Variants in ADAMTSL1 observed in about 807,000 individuals in gnomAD.
The protein encoded by ADAMTSL1 is ADAMTS like 1, also known as ADAMTS-like protein 1.
ADAMTSL1 carries 126 observed loss-of-function variants against 201.8 expected under a neutral mutation model. The ratio of observed to expected loss-of-function variants is 0.62; its 90% CI spans 0.54 to 0.72. The LOEUF is 0.72. Ranked by LOEUF, ADAMTSL1 falls within the 30% of genes least tolerant of loss-of-function variation. The pLI, the probability that ADAMTSL1 is intolerant of heterozygous loss-of-function variation, is 0.00. For synonymous variants in ADAMTSL1, 1,121 were observed against 903.4 expected (o/e 1.24, Z -4.32); for missense variants, 2,679 against 2,277.8 (o/e 1.18, Z -3.59).
intron 1 of ADAMTSL1, among the ~76,000 whole-genome samples, chr9:17,954,093 G>A (rs969728071): frequency 1.3e-5 from 2 of 152,188 alleles, no homozygotes; most frequent in South Asian, 4.1e-4. Flanking sequence ...CTTTGCCTCT[G>A]TTTTTCTCTC....
At chr9:18,815,726 AAAAAAAAAAGAG>A (rs1449699094) in intron 20 of ADAMTSL1, among the ~76,000 whole-genome samples, 8 of 144,534 alleles carry the variant, frequency 5.5e-5, no homozygotes, top group African/African-American at 1.8e-4. Context: ...AAAAAAAAAA[AAAAAAAAAAGAG>A]AAAAAAAAAA....
At chr9:18,622,951 A>G (rs563964178) in intron 5 of ADAMTSL1, among the ~76,000 whole-genome samples, 1 of 152,294 alleles carries the variant, frequency 6.6e-6, no homozygotes, top group East Asian at 1.9e-4. Context: ...GCTAGAGTGC[A>G]ATGGGGCAAT....
intron 5 of ADAMTSL1, among the ~76,000 whole-genome samples, chr9:18,624,581 G>A (rs1826240678): frequency 6.6e-6 from 1 of 152,162 alleles, no homozygotes; most frequent in Admixed American, 6.5e-5. Context: ...CTGGGAGCAT[G>A]TTTTTAATGG....
At chr9:18,274,583 C>G (rs1832513237) in intron 2 of ADAMTSL1, among the ~76,000 whole-genome samples, 1 of 152,030 alleles carries the variant, frequency 6.6e-6, no homozygotes. Context: ...ATTCATTATG[C>G]TCATTTAGAG....
chr9:18,082,986 C>G (rs995180037), intron 1 of ADAMTSL1, among the ~76,000 whole-genome samples: 4 of 152,144 alleles, frequency 2.6e-5, no homozygotes, highest in African/African-American at 9.7e-5. Context: ...AAGCTGGACT[C>G]TGATACAATC....
At position 18,581,932 on chromosome 9, in the gene ADAMTSL1, T is replaced by C. The variant is rs182438584; in HGVS notation, c.474+7666T>C. Among the ~76,000 whole-genome samples the C allele has an allele frequency of 1.3e-5, 2 of 152,350 alleles. 1 individual carries two copies. Among genetic ancestry groups the C allele is most frequent in the Non-Finnish European group, 2.9e-5 (2 of 68,036 alleles). On this transcript the variant is annotated intron_variant, in intron 4 of 28. Transcript: ENST00000380548. ...TGTGCCTCAGACCTAAGAGTCATTC[T>C]TCTTTCACTTTGTCCCATCTCTGAG...
At chr9:18,658,448 GCTTA>G (rs1370150428) in intron 8 of ADAMTSL1, among the ~76,000 whole-genome samples, 2 of 152,106 alleles carry the variant, frequency 1.3e-5, no homozygotes, top group Non-Finnish European at 2.9e-5. Flanking sequence ...TGTTTATCAG[GCTTA>G]CTTAATTAGA....
At chr9:18,498,177 A>G (rs1000781500) in intron 1 of ADAMTSL1, among the ~76,000 whole-genome samples, 8 of 152,104 alleles carry the variant, frequency 5.3e-5, no homozygotes, top group African/African-American at 1.9e-4. Context: ...ACTAGATATT[A>G]ACTATGTGAC....
chr9:18,652,452 A>T (rs1382777062), intron 7 of ADAMTSL1, among the ~76,000 whole-genome samples: 1 of 152,060 alleles, frequency 6.6e-6, no homozygotes, highest in Non-Finnish European at 1.5e-5. Flanking sequence ...AAATACAATT[A>T]GTCCTCTACT....
intron 1 of ADAMTSL1, 95 bp from the exon 2 acceptor site, chr9:18,504,734 C>A (rs1823027270): frequency 6.4e-7 from 1 of 1,554,778 alleles, no homozygotes; most frequent in Non-Finnish European, 8.8e-7. Flanking sequence ...GCAAAGCCAC[C>A]ATGTACACAC....
Position 17,911,248 on chromosome 9 carries a change from C to G in ADAMTSL1, c.87+4326C>G, listed in dbSNP as rs1825896333. ...ACTCATTCCTTAGATTCTTATGAAA[C>G]TGATTATTTTCCTCATTAATTTCAT... On this transcript the variant is annotated intron_variant, in intron 1 of 29. Transcript: ENST00000680146. Among the ~76,000 whole-genome samples, 2 of 68,800 alleles carry G rather than the reference C, an allele frequency of 2.9e-5. 1 individual carries two copies. The highest frequency in any genetic ancestry group is 8.9e-5 in the Non-Finnish European group (2 of 22,454). 45.1% of individuals were successfully genotyped at this position (68,800 alleles called of 152,430 possible).
chr9:18,155,495 C>T (rs1189199328), intron 1 of ADAMTSL1, among the ~76,000 whole-genome samples: 4 of 151,964 alleles, frequency 2.6e-5, no homozygotes, highest in Admixed American at 2.0e-4. Flanking sequence ...TCATGTGGTC[C>T]CGGACAGCTT....
At chr9:18,762,825 C>G (rs1183140908) in intron 16 of ADAMTSL1, among the ~76,000 whole-genome samples, 2 of 152,216 alleles carry the variant, frequency 1.3e-5, no homozygotes, top group African/African-American at 4.8e-5. Context: ...TTGCACATGA[C>G]TGGATCTCAT....
At chr9:18,461,064 C>T (rs1421778642) in intron 2 of ADAMTSL1, among the ~76,000 whole-genome samples, 1 of 152,022 alleles carries the variant, frequency 6.6e-6, no homozygotes, top group Non-Finnish European at 1.5e-5. Flanking sequence ...TAAAGAAAAT[C>T]CTGATTATTT....
At chr9:18,030,713 T>G (rs960218268) in intron 1 of ADAMTSL1, among the ~76,000 whole-genome samples, 2 of 152,176 alleles carry the variant, frequency 1.3e-5, no homozygotes, top group Admixed American at 6.5e-5. Flanking sequence ...ACCTCTCTAG[T>G]AAAATTGGAG....
intron 3 of ADAMTSL1, among the ~76,000 whole-genome samples, chr9:18,571,907 T>C (rs1822328684): frequency 6.6e-6 from 1 of 152,196 alleles, no homozygotes; most frequent in South Asian, 2.1e-4. Context: ...TTAAAGTTGT[T>C]TGTGGCCAGT....
At chr9:18,140,712 C>A (rs1211979213) in intron 1 of ADAMTSL1, among the ~76,000 whole-genome samples, 1 of 152,156 alleles carries the variant, frequency 6.6e-6, no homozygotes, top group Non-Finnish European at 1.5e-5. Context: ...TGCCTGAAAT[C>A]CAACTTTCCA....
intron 11 of ADAMTSL1, chr9:18,681,285 T>G (rs1161430041): frequency 6.6e-6 from 1 of 152,430 alleles, no homozygotes; most frequent in Non-Finnish European, 1.5e-5. Flanking sequence ...ATTGGGCATC[T>G]GGTCATTCAA....
chr9:18,321,568 C>T (rs1009435191), intron 2 of ADAMTSL1, among the ~76,000 whole-genome samples: 11 of 152,128 alleles, frequency 7.2e-5, no homozygotes, highest in African/African-American at 2.4e-4. Context: ...CTGAGGCAGG[C>T]GGATCATGAG....
Sources: allele counts gnomAD v4.1 joint callset (sites outside exome capture counted in the v4.1 genomes callset), GRCh38; gene constraint gnomAD v4.1.1; transcripts MANE v1.5; gene names NCBI Gene and HGNC (gene_info 2026-07-23, HGNC 2026-07-21).